The following EFCAB8 variants were observed in gnomAD, a reference collection of about 807,000 sequenced individuals.
EFCAB8 encodes EF-hand calcium binding domain 8.
Under a neutral mutation model 116.3 loss-of-function variants are expected in EFCAB8, and 100 were observed. The observed-to-expected ratio is 0.86, with a 90% CI of 0.73 to 1.02. The LOEUF is 1.02. EFCAB8 is among the 50% of genes least tolerant of loss of function. The pLI, the probability that EFCAB8 is intolerant of heterozygous loss-of-function variation, is 0.00. For synonymous variants in EFCAB8, 558 were observed against 567.9 expected (o/e 0.98, Z 0.25); for missense variants, 1,320 against 1,416.9 (o/e 0.93, Z 1.10).
intron 1 of EFCAB8, among the ~76,000 whole-genome samples, chr20:32,861,276 C>A (rs1484073817): frequency 6.6e-6 from 1 of 152,130 alleles, no homozygotes; most frequent in Admixed American, 6.6e-5. Flanking sequence ...CCTACCCACT[C>A]CACTGAAACA....
intron 7 of EFCAB8, 63 bp from the exon 8 acceptor site, chr20:32,892,150 C>T: frequency 1.4e-6 from 2 of 1,420,006 alleles, no homozygotes; most frequent in Non-Finnish European, 1.9e-6. Context: ...AGGCTGCTCA[C>T]TGTGACTGAA....
chr20:32,949,943 TG>T (rs1441426810), intron 23 of EFCAB8, among the ~76,000 whole-genome samples: 1 of 152,194 alleles, frequency 6.6e-6, no homozygotes, highest in Non-Finnish European at 1.5e-5. Flanking sequence ...GAGGCTGCAG[TG>T]AGCCAAGATC....
intron 22 of EFCAB8, among the ~76,000 whole-genome samples, chr20:32,936,822 G>A (rs976166753): frequency 2.0e-5 from 3 of 152,034 alleles, no homozygotes; most frequent in Admixed American, 2.0e-4. Context: ...ATGAATTTAA[G>A]GATTGTTTTA....
chr20:32,886,292 C>T (rs1228711820), intron 6 of EFCAB8, among the ~76,000 whole-genome samples: 1 of 152,190 alleles, frequency 6.6e-6, no homozygotes, highest in Non-Finnish European at 1.5e-5. Context: ...CAAGTCCCTG[C>T]TGGATATATT....
intron 20 of EFCAB8, among the ~76,000 whole-genome samples, chr20:32,921,294 G>A (rs1253992731): frequency 6.6e-6 from 1 of 151,878 alleles, no homozygotes; most frequent in Non-Finnish European, 1.5e-5. Context: ...CTGGGCTGAA[G>A]GGACCCTCCC....
rs1400725697 is a variant in EFCAB8, at chr20:32,889,337, T to C, written c.604T>C (p.Trp202Arg). 2 of 1,551,718 alleles carry C rather than the reference T, an allele frequency of 1.3e-6. No individual in the cohort carries two copies. The highest frequency in any genetic ancestry group is 1.4e-5 in the African/African-American group (1 of 73,042). ...QTQQLYNQPM[W>R]VIDMVCLHNM... is the part of the protein sequence containing the mutation. Reference sequence around the variant, plus strand: ...CCAGCAGCTCTACAACCAGCCGATGTGGGTCATTGACATGGTATGTCTGCA... The same window carrying C: ...CCAGCAGCTCTACAACCAGCCGATGCGGGTCATTGACATGGTATGTCTGCA... The change falls in exon 7 of 27, where the codon TGG becomes CGG. Residue 202 changes from tryptophan to arginine, a missense_variant. Transcript: ENST00000400522.
intron 14 of EFCAB8, 80 bp downstream of exon 14, chr20:32,908,492 G>A (rs775376503): frequency 2.4e-6 from 3 of 1,239,928 alleles, no homozygotes; most frequent in Non-Finnish European, 3.1e-6. Flanking sequence ...ACACCCAAGG[G>A]GTGGCCACGT....
At chr20:32,917,241 C>A in intron 17 of EFCAB8, 60 bp from the exon 18 acceptor site, 1 of 1,325,826 alleles carries the variant, frequency 7.5e-7, no homozygotes, top group Non-Finnish European at 1.0e-6. Context: ...AGTGCTTCCC[C>A]AATGGATGGA....
chr20:32,885,479 C>T lies in EFCAB8; in HGVS notation c.432-26C>T, dbSNP rs1197364867. On this transcript the variant is annotated intron_variant, in intron 5 of 26. Coordinates refer to ENST00000400522, the MANE Select transcript of EFCAB8 (RefSeq NM_001143967.2). ...TCCCTGAGCTGTTTTTGCTTGGGCT[C>T]TTCTCTCTTTCATCGCCTCCCACAG... 7 of 1,550,912 alleles carry T rather than the reference C, an allele frequency of 4.5e-6. No homozygotes were observed. The African/African-American group carries it at 8.2e-5, about 18-fold the overall frequency.
At chr20:32,946,408 T>G (rs556986637) in intron 23 of EFCAB8, among the ~76,000 whole-genome samples, 32 of 152,244 alleles carry the variant, frequency 2.1e-4, no homozygotes, top group Admixed American at 7.8e-4. Flanking sequence ...TTGTTTTTTG[T>G]TTTTTTGGTT....
At chr20:32,924,528 T>G (rs899322422) in intron 20 of EFCAB8, among the ~76,000 whole-genome samples, 4 of 152,234 alleles carry the variant, frequency 2.6e-5, no homozygotes, top group African/African-American at 7.2e-5. Context: ...TATTCCCATT[T>G]TATGGCTGAA....
chr20:32,952,018 G>T (rs1454805244), intron 23 of EFCAB8, among the ~76,000 whole-genome samples: 1 of 152,138 alleles, frequency 6.6e-6, no homozygotes, highest in Non-Finnish European at 1.5e-5. Flanking sequence ...CCAGCACTTT[G>T]GGGGGCCAAA....
intron 4 of EFCAB8, among the ~76,000 whole-genome samples, chr20:32,877,321 G>T (rs1985030851): frequency 6.9e-6 from 1 of 144,394 alleles, no homozygotes; most frequent in African/African-American, 2.5e-5. Flanking sequence ...TGATTCTCCT[G>T]CCTCAGCCTC....
At chr20:32,932,242 C>T (rs534723049) in intron 22 of EFCAB8, among the ~76,000 whole-genome samples, 14 of 152,004 alleles carry the variant, frequency 9.2e-5, no homozygotes, top group South Asian at 8.3e-4. Flanking sequence ...CTGGGTGTGG[C>T]GGTGCACGCC....
At chr20:32,863,420 G>C (rs906334707) in intron 1 of EFCAB8, among the ~76,000 whole-genome samples, 5 of 152,070 alleles carry the variant, frequency 3.3e-5, no homozygotes, top group African/African-American at 1.2e-4. Context: ...ATTGTACTTG[G>C]ACTACCACAT....
intron 23 of EFCAB8, among the ~76,000 whole-genome samples, chr20:32,949,159 T>C (rs1988722485): frequency 6.6e-6 from 1 of 152,218 alleles, no homozygotes. Flanking sequence ...AAATCAATTG[T>C]ATTTCTATAT....
chr20:32,922,557 AGAGT>A (rs1443963860), intron 20 of EFCAB8, among the ~76,000 whole-genome samples: 1 of 152,212 alleles, frequency 6.6e-6, no homozygotes, highest in African/African-American at 2.4e-5. Context: ...GGCATGTCAC[AGAGT>A]GAGTGAGGAC....
chr20:32,922,813 TTCTC>T (rs150322386), intron 20 of EFCAB8, among the ~76,000 whole-genome samples: 41 of 151,406 alleles, frequency 2.7e-4, no homozygotes, highest in African/African-American at 3.9e-4. Context: ...GAATGAGTAC[TTCTC>T]TCTCTCTCTC....
At chr20:32,867,874 T>C in intron 3 of EFCAB8, 127 bp downstream of exon 3, 1 of 1,082,582 alleles carries the variant, frequency 9.2e-7, no homozygotes, top group Non-Finnish European at 1.3e-6. Flanking sequence ...AGGATATTGC[T>C]CTGTCACCCA....
Sources: allele counts gnomAD v4.1 joint callset (sites outside exome capture counted in the v4.1 genomes callset), GRCh38; gene constraint gnomAD v4.1.1; transcripts MANE v1.5; gene names NCBI Gene and HGNC (gene_info 2026-07-23, HGNC 2026-07-21).